Variants in CCDC7 observed in about 807,000 individuals in gnomAD.
CCDC7 encodes coiled-coil domain-containing protein 7.
A neutral mutation model predicts 196.9 loss-of-function variants in CCDC7; 183 were observed. That is an observed-to-expected ratio of 0.93 (90% CI 0.82 to 1.05). The LOEUF (loss-of-function observed/expected upper bound fraction) is 1.05. CCDC7 is among the 50% of genes least tolerant of loss of function. CCDC7 has a pLI of 0.00. For synonymous variants in CCDC7, 525 were observed against 484.6 expected (o/e 1.08, Z -1.10); for missense variants, 1,540 against 1,482.2 (o/e 1.04, Z -0.64).
At chr10:32,653,144 AATT>A (rs1393689186) in intron 20 of CCDC7, among the ~76,000 whole-genome samples, 2 of 151,968 alleles carry the variant, frequency 1.3e-5, no homozygotes, top group Non-Finnish European at 2.9e-5. Flanking sequence ...TAACCTGTAA[AATT>A]ATTATTATTT....
intron 31 of CCDC7, among the ~76,000 whole-genome samples, chr10:32,821,148 G>A (rs376517535): frequency 2.2e-4 from 33 of 152,252 alleles, no homozygotes; most frequent in Admixed American, 4.6e-4. Flanking sequence ...AAAAGTGGGC[G>A]AAGGATATGA....
chr10:32,552,997 G>A (rs2053717854), intron 13 of CCDC7, among the ~76,000 whole-genome samples: 1 of 151,738 alleles, frequency 6.6e-6, no homozygotes. Context: ...TTTCCTTGAT[G>A]ATTCCTCCAA....
At chr10:32,595,010 C>CT (rs1007466799) in intron 18 of CCDC7, among the ~76,000 whole-genome samples, 1 of 152,078 alleles carries the variant, frequency 6.6e-6, no homozygotes, top group African/African-American at 2.4e-5. Flanking sequence ...CTAAAATTCT[C>CT]TTTTTTTGTT....
intron 12 of CCDC7, 100 bp from the exon 14 acceptor site, chr10:32,544,147 T>G (rs1250942120): frequency 9.8e-7 from 1 of 1,019,798 alleles, no homozygotes; most frequent in Non-Finnish European, 1.4e-6. Context: ...TTAAAAAAAC[T>G]TCATTATTTT....
At chr10:32,603,613 G>A (rs1275975983) in intron 18 of CCDC7, among the ~76,000 whole-genome samples, 1 of 141,814 alleles carries the variant, frequency 7.1e-6, no homozygotes, top group African/African-American at 2.6e-5. Flanking sequence ...CTTTGACAGT[G>A]TTTGTTATTT....
chr10:32,596,651 T>A (rs967336691), intron 18 of CCDC7, among the ~76,000 whole-genome samples: 2 of 152,172 alleles, frequency 1.3e-5, no homozygotes, highest in East Asian at 3.8e-4. Flanking sequence ...ATTTGGCATG[T>A]TTTTGCAGTG....
At chr10:32,772,250 G>A (rs1387465468) in intron 28 of CCDC7, among the ~76,000 whole-genome samples, 1 of 152,170 alleles carries the variant, frequency 6.6e-6, no homozygotes, top group Admixed American at 6.5e-5. Flanking sequence ...TTTGTGCAGG[G>A]AGTGGGGAGT....
chr10:32,842,138 G>T (rs148387709), intron 33 of CCDC7, among the ~76,000 whole-genome samples: 11 of 152,088 alleles, frequency 7.2e-5, no homozygotes, highest in African/African-American at 2.4e-4. Flanking sequence ...CACAGCAAAA[G>T]AAATTATCAG....
exon 18 of CCDC7, chr10:32,584,290 C>T: frequency 6.3e-7 from 1 of 1,596,978 alleles, no homozygotes; most frequent in East Asian, 2.2e-5. Context: ...TACCAAGCAG[C>T]AGAAAAATCT....
downstream of CCDC7, among the ~76,000 whole-genome samples, chr10:32,878,352 A>T (rs1371082211): frequency 6.6e-6 from 1 of 151,906 alleles, no homozygotes; most frequent in Non-Finnish European, 1.5e-5. Flanking sequence ...ATTCAGAGGG[A>T]TATACAGAAA....
At chr10:32,766,531 A>G (rs776965817) in intron 28 of CCDC7, among the ~76,000 whole-genome samples, 37 of 152,108 alleles carry the variant, frequency 2.4e-4, no homozygotes, top group Non-Finnish European at 4.4e-4. Context: ...ATCACAGTGC[A>G]GGCCCCTTGG....
At chr10:32,707,077 T>C (rs1591842204) in intron 24 of CCDC7, among the ~76,000 whole-genome samples, 1 of 152,240 alleles carries the variant, frequency 6.6e-6, no homozygotes, top group African/African-American at 2.4e-5. Context: ...CTCAATAAAA[T>C]ACTAGCAAAC....
Position 32,705,159 on chromosome 10 carries a change from A to G in CCDC7, c.2459-6461A>G, listed in dbSNP as rs530789002. ...CCTATTCGGCCATCTTGGCTCCCCAATATTAAACATTCTTATAGAAAAGAA... is the reference window on the plus strand; with the variant it reads ...CCTATTCGGCCATCTTGGCTCCCCAGTATTAAACATTCTTATAGAAAAGAA... On this transcript the variant is annotated intron_variant, in intron 24 of 41. Coordinates refer to ENST00000639629, the Ensembl canonical transcript of CCDC7. 5.3e-5 allele frequency among the ~76,000 whole-genome samples: 8 copies of G among 152,234 alleles called. No homozygotes were observed. The South Asian group carries it at 1.2e-3, about 24-fold the overall frequency.
intron 28 of CCDC7, among the ~76,000 whole-genome samples, chr10:32,734,681 G>A (rs995935156): frequency 4.6e-5 from 7 of 152,248 alleles, no homozygotes; most frequent in African/African-American, 1.7e-4. Context: ...GATTGCCTGA[G>A]CTCAGGAGTT....
intron 16 of CCDC7, chr10:32,574,612 T>A (rs1564704512): frequency 1.7e-6 from 1 of 594,702 alleles, no homozygotes; most frequent in Non-Finnish European, 2.4e-6. Flanking sequence ...TGGTAAATAG[T>A]TAATCAAACA....
chr10:32,757,854 T>C (rs2076734173), intron 28 of CCDC7, among the ~76,000 whole-genome samples: 1 of 152,076 alleles, frequency 6.6e-6, no homozygotes, highest in African/African-American at 2.4e-5. Context: ...GATAGACCAC[T>C]AGCAAGACTA....
At chr10:32,530,581 G>A (rs10827073) in intron 11 of CCDC7, among the ~76,000 whole-genome samples, 38,146 of 151,638 alleles carry the variant, frequency 0.25, 5,376 homozygotes, top group South Asian at 0.44. Context: ...GTATATAATT[G>A]GTACTGTTTT....
At chr10:32,510,617 T>A (rs888777307) in intron 9 of CCDC7, among the ~76,000 whole-genome samples, 2 of 152,216 alleles carry the variant, frequency 1.3e-5, no homozygotes, top group African/African-American at 2.4e-5. Flanking sequence ...GCTTTTTGTT[T>A]TGTTTTGTTT....
intron 29 of CCDC7, among the ~76,000 whole-genome samples, chr10:32,784,944 G>T (rs2081605183): frequency 6.7e-6 from 1 of 150,206 alleles, no homozygotes; most frequent in Non-Finnish European, 1.5e-5. Context: ...AGAGGTTGCA[G>T]TGAGCAGAGA....
Sources: gnomAD v4.1 joint callset for allele counts (sites outside exome capture counted in the v4.1 genomes callset) on GRCh38, gnomAD v4.1.1 for gene constraint, MANE v1.5 for transcripts, NCBI Gene and HGNC (gene_info 2026-07-23, HGNC 2026-07-21) for gene names.